Variants in LPCAT1 observed in about 807,000 individuals in gnomAD.
LPCAT1 encodes lysophosphatidylcholine acyltransferase 1, also known as 1-acylglycerol-3-phosphate O-acyltransferase.
LPCAT1 carries 23 observed loss-of-function variants against 60.9 expected under a neutral mutation model. That is an observed-to-expected ratio of 0.38 (90% CI 0.27 to 0.53). The LOEUF is 0.53. LPCAT1 is among the 20% of genes least tolerant of loss of function. LPCAT1 has a pLI of 0.82. For synonymous variants in LPCAT1, 340 were observed against 301.1 expected (o/e 1.13, Z -1.34); for missense variants, 622 against 723.6 (o/e 0.86, Z 1.61).
Position 1,507,624 on chromosome 5 carries a change from C to T in LPCAT1, c.136-6021G>A, listed in dbSNP as rs568216364. ...CCACATCAGGGAAGCTGGCAGGGGC[C>T]GGGCGCGAGCGCTCACGCCTGCAGT... On this transcript the variant is annotated intron_variant, in intron 1 of 13. Transcript: ENST00000283415. Among the ~76,000 whole-genome samples the T allele has an allele frequency of 9.2e-5, 14 of 152,264 alleles. No homozygotes were observed. In the South Asian group the frequency reaches 1.2e-3, roughly 14 times the overall value.
intron 11 of LPCAT1, among the ~76,000 whole-genome samples, chr5:1,473,528 G>T (rs1734774323): frequency 6.6e-6 from 1 of 152,256 alleles, no homozygotes; most frequent in African/African-American, 2.4e-5. Flanking sequence ...GCTGCACCAG[G>T]AGGAAGCCCT....
intron 1 of LPCAT1, among the ~76,000 whole-genome samples, chr5:1,518,087 C>G (rs571372565): frequency 6.6e-6 from 1 of 152,380 alleles, no homozygotes; most frequent in African/African-American, 2.4e-5. Flanking sequence ...TCGCCCCACT[C>G]TGAGCACGGC....
At chr5:1,488,283 G>C in intron 5 of LPCAT1, 108 bp downstream of exon 5, 1 of 662,990 alleles carries the variant, frequency 1.5e-6, no homozygotes, top group South Asian at 2.2e-5. Context: ...CAGCACACAG[G>C]ATAAAAACAG....
At chr5:1,486,158 A>G (rs1735363352) in intron 5 of LPCAT1, among the ~76,000 whole-genome samples, 1 of 152,158 alleles carries the variant, frequency 6.6e-6, no homozygotes, top group Admixed American at 6.5e-5. Context: ...AAGGCCCCAC[A>G]TGGGCCTGTT....
chr5:1,483,741 C>T lies in LPCAT1; in HGVS notation c.668-255G>A, dbSNP rs1003474568. Among the ~76,000 whole-genome samples the T allele has an allele frequency of 6.6e-5, 10 of 151,538 alleles. No individual in the cohort carries two copies. Among genetic ancestry groups the T allele is most frequent in the Admixed American group, 2.0e-4 (3 of 15,174 alleles). ...ACACTTTCTGTTTTAACATCGCGCA[C>T]GAGCTGGAAGGCGTCTGTGGAGGGA... On this transcript the variant is annotated intron_variant, in intron 5 of 13. Coordinates refer to ENST00000283415, the MANE Select transcript of LPCAT1 (RefSeq NM_024830.5). The surrounding 1 kb of genome is among the most constrained non-coding windows in gnomAD (Gnocchi z 9.2).
intron 12 of LPCAT1, among the ~76,000 whole-genome samples, 191 bp downstream of exon 12, chr5:1,470,635 G>T (rs1734629270): frequency 6.6e-6 from 1 of 152,204 alleles, no homozygotes; most frequent in Non-Finnish European, 1.5e-5. Flanking sequence ...TGCTAATCCA[G>T]GAAGAAATAA....
Position 1,487,619 on chromosome 5 carries a change from C to A in LPCAT1, c.667+772G>T, listed in dbSNP as rs944770712. ...TGTGCGGCCCCAGAGGCACGGCAGC[C>A]GGTGCCAGTGTGAGCGAGGAACTGG... On this transcript the variant is annotated intron_variant, in intron 5 of 13. Coordinates refer to ENST00000283415, the MANE Select transcript of LPCAT1 (RefSeq NM_024830.5). This position sits in a 1 kb window ranked among gnomAD's most constrained non-coding sequence, Gnocchi z 6.1. Among the ~76,000 whole-genome samples the A allele has an allele frequency of 6.6e-6, 1 of 152,170 alleles. No individual in the cohort carries two copies.
chr5:1,506,270 G>A (rs36970), intron 1 of LPCAT1, among the ~76,000 whole-genome samples: 40,879 of 152,146 alleles, frequency 0.27, 6,325 homozygotes, highest in Non-Finnish European at 0.35. Context: ...CATCTCCACC[G>A]ATCTGCCTTC....
Position 1,523,908 on chromosome 5 carries a change from GCTGGGCGCGGGTCT to G in LPCAT1, c.-78_-65del, listed in dbSNP as rs1174119184. ...GGGGCGCCGAGCGGGGCCGGGGCTA[GCTGGGCGCGGGTCT>G]CGGGGCGCGGGCCGAGGATGCGCGG... On this transcript the variant is annotated 5_prime_UTR_variant, in exon 1 of 14. Transcript: ENST00000283415. The surrounding 1 kb of genome is among the most constrained non-coding windows in gnomAD (Gnocchi z 7.1). 10 of 999,356 alleles carry G rather than the reference GCTGGGCGCGGGTCT, an allele frequency of 1.0e-5. No homozygotes were observed. Among genetic ancestry groups the G allele is most frequent in the Non-Finnish European group, 1.1e-5 (9 of 838,082 alleles). 61.9% of individuals were successfully genotyped at this position (999,356 alleles called of 1,614,324 possible).
chr5:1,501,420 AC>A (rs368802517), intron 2 of LPCAT1, 40 bp downstream of exon 2: 2,268 of 1,423,592 alleles, frequency 1.6e-3, no homozygotes, highest in South Asian at 2.8e-3. Context: ...TGGCCGCGTG[AC>A]CCCCCCCCAG....
At chr5:1,491,614 T>A (rs1735586799) in intron 3 of LPCAT1, among the ~76,000 whole-genome samples, 1 of 152,008 alleles carries the variant, frequency 6.6e-6, no homozygotes. Flanking sequence ...GAGATGCAGC[T>A]CCTCCCCGGG....
Position 1,522,239 on chromosome 5 carries a change from T to C in LPCAT1, c.135+1471A>G, listed in dbSNP as rs908813435. Reference sequence around the variant, plus strand: ...CCTGCTGGGAGTGACTCAGGGAGAGTGACCAGGGAGAGAGCCTGGTGGCTG... The same window carrying C: ...CCTGCTGGGAGTGACTCAGGGAGAGCGACCAGGGAGAGAGCCTGGTGGCTG... On this transcript the variant is annotated intron_variant, in intron 1 of 13. Transcript: ENST00000283415. The surrounding 1 kb of genome is among the most constrained non-coding windows in gnomAD (Gnocchi z 6.8). Among the ~76,000 whole-genome samples the C allele has an allele frequency of 6.6e-6, 1 of 151,256 alleles. No individual in the cohort carries two copies. The highest frequency in any genetic ancestry group is 2.4e-5 in the African/African-American group (1 of 41,134).
chr5:1,474,655 CG>C lies in LPCAT1; in HGVS notation c.929del (p.Thr310SerfsTer23). On this transcript the variant is annotated frameshift_variant, in exon 10 of 14. Coordinates refer to ENST00000283415, the MANE Select transcript of LPCAT1 (RefSeq NM_024830.5). LOFTEE classifies it high-confidence loss of function. ...EALGVSVTDY[T>X]FEDCQLALAE... ...CCAGGGCCAGCTGGCAGTCCTCGAACGTGTAGTCAGTCACGGAGACACCCAA... is the reference window on the plus strand; with the variant it reads ...CCAGGGCCAGCTGGCAGTCCTCGAACTGTAGTCAGTCACGGAGACACCCAA... 2 of 1,613,894 alleles carry C rather than the reference CG, an allele frequency of 1.2e-6. No homozygotes were observed. The highest frequency in any genetic ancestry group is 1.7e-6 in the Non-Finnish European group (2 of 1,179,966).
rs776387376 is a variant in LPCAT1 at position 1,477,529 on chromosome 5, C to G, written c.817-43G>C. On this transcript the variant is annotated intron_variant, in intron 8 of 13. Transcript: ENST00000283415. The surrounding 1 kb of genome is among the most constrained non-coding windows in gnomAD (Gnocchi z 6.0). Reference sequence around the variant, plus strand: ...CTGCGTTAGTATCACAAGACGCTGACCTCAGCAACACCACTGTAACGACAA... The same window carrying G: ...CTGCGTTAGTATCACAAGACGCTGAGCTCAGCAACACCACTGTAACGACAA... 1.4e-6 allele frequency: 2 copies of G among 1,434,446 alleles called. No individual in the cohort carries two copies. Among genetic ancestry groups the G allele is most frequent in the East Asian group, 2.3e-5 (1 of 43,764 alleles). 88.9% of individuals were successfully genotyped at this position (1,434,446 alleles called of 1,614,324 possible).
At chr5:1,516,116 C>T (rs1424910945) in intron 1 of LPCAT1, among the ~76,000 whole-genome samples, 2 of 152,214 alleles carry the variant, frequency 1.3e-5, no homozygotes, top group Admixed American at 6.5e-5. Context: ...TGCCCAGTGG[C>T]AGTTGTGGGG....
chr5:1,503,594 T>A (rs2126594713), intron 1 of LPCAT1, among the ~76,000 whole-genome samples: 1 of 152,348 alleles, frequency 6.6e-6, no homozygotes, highest in African/African-American at 2.4e-5. Context: ...AGCTGTTAAG[T>A]AAGACGCGCC....
rs1025158561 is a variant in LPCAT1 at position 1,495,744 on chromosome 5, C to T, written c.279-830G>A. Among the ~76,000 whole-genome samples, 4 of 152,094 alleles carry T rather than the reference C, an allele frequency of 2.6e-5. No individual in the cohort carries two copies. The highest frequency in any genetic ancestry group is 5.9e-5 in the Non-Finnish European group (4 of 68,024). ...TCACTCGGCCACTGGGTTAAGTGGGCGCATCACACTGGGTAAAACTACTGC... is the reference window on the plus strand; with the variant it reads ...TCACTCGGCCACTGGGTTAAGTGGGTGCATCACACTGGGTAAAACTACTGC... On this transcript the variant is annotated intron_variant, in intron 2 of 13. Coordinates refer to ENST00000283415, the MANE Select transcript of LPCAT1 (RefSeq NM_024830.5). This position sits in a 1 kb window ranked among gnomAD's most constrained non-coding sequence, Gnocchi z 4.7.
Position 1,501,855 on chromosome 5 carries a change from C to T in LPCAT1, c.136-252G>A, listed in dbSNP as rs189215553. On this transcript the variant is annotated intron_variant, in intron 1 of 13. Transcript: ENST00000283415. ...CTGACCAGCACTGACCAAGGCTGAC[C>T]GGCACTGACCAAGGCTGACCAACAT... 2.7e-4 allele frequency among the ~76,000 whole-genome samples: 41 copies of T among 152,116 alleles called. No individual in the cohort carries two copies. In the East Asian group the frequency reaches 6.8e-3, roughly 25 times the overall value.
chr5:1,479,780 G>C, intron 7 of LPCAT1, 105 bp from the exon 8 acceptor site: 1 of 863,382 alleles, frequency 1.2e-6, no homozygotes, highest in Non-Finnish European at 1.9e-6. Flanking sequence ...TCCAGAGGGC[G>C]CTACTGGGCA....
Sources: allele counts gnomAD v4.1 joint callset (sites outside exome capture counted in the v4.1 genomes callset), GRCh38; gene constraint gnomAD v4.1.1; non-coding constraint Gnocchi (gnomAD v3.1); transcripts MANE v1.5; gene names NCBI Gene and HGNC (gene_info 2026-07-23, HGNC 2026-07-21).